The following KAZN variants were observed in gnomAD, a reference collection of about 807,000 sequenced individuals.
KAZN encodes kazrin.
KAZN carries 40 observed loss-of-function variants against 87.4 expected under a neutral mutation model. The ratio of observed to expected loss-of-function variants is 0.46; its 90% confidence interval spans 0.36 to 0.60. KAZN has a LOEUF of 0.60. KAZN is among the 20% of genes least tolerant of loss of function. KAZN has a pLI of 0.00. For missense variants in KAZN, 898 were observed against 1,073.9 expected, an observed-to-expected ratio of 0.84 and a Z score of 2.29; for synonymous variants, 466 against 458.3, an observed-to-expected ratio of 1.02 and a Z score of -0.22.
intron 2 of KAZN, among the ~76,000 whole-genome samples, chr1:14,574,565 C>T (rs542576015): frequency 1.2e-4 from 19 of 152,310 alleles, no homozygotes; most frequent in African/African-American, 4.6e-4. Context: ...CTTTCATCTT[C>T]TGCCGTGATT....
intron 2 of KAZN, among the ~76,000 whole-genome samples, chr1:14,523,007 A>G (rs1048832792): frequency 6.6e-6 from 1 of 152,084 alleles, no homozygotes; most frequent in African/African-American, 2.4e-5. Context: ...CCAACTCCCC[A>G]GCATGTACGA....
At chr1:13,895,158 A>G (rs2744646) in intron 1 of KAZN, among the ~76,000 whole-genome samples, 132,807 of 152,226 alleles carry the variant, frequency 0.87, 58,319 homozygotes, top group African/African-American at 0.97. Flanking sequence ...GGTAGTAGAC[A>G]ATGGAAGCAT....
At chr1:14,055,979 C>T (rs556679127) in intron 1 of KAZN, among the ~76,000 whole-genome samples, 1 of 152,260 alleles carries the variant, frequency 6.6e-6, no homozygotes, top group South Asian at 2.1e-4. Flanking sequence ...GCTAGCCTAC[C>T]CTCTACCCCC....
chr1:15,103,385 C>T lies in KAZN; in HGVS notation c.1806C>T (p.Cys602=), dbSNP rs887754272. The T allele has an allele frequency of 2.3e-5, 36 of 1,551,792 alleles. No homozygotes were observed. Among genetic ancestry groups the T allele is most frequent in the Non-Finnish European group, 2.8e-5 (32 of 1,147,146 alleles). ...CCCTCCAGGAGCGCCGGGCCCGCTG[C>T]GAGACGCAGAACATTGACCCCGTGG... ...REALQERRAR[C]ETQNIDPVVW... is the part of the protein sequence containing the mutation. The change falls in exon 12 of 15, where the codon TGC becomes TGT. Residue 602 remains cysteine, a synonymous_variant. Transcript: ENST00000376030.
chr1:14,330,604 G>T (rs929178475), intron 2 of KAZN, among the ~76,000 whole-genome samples: 1 of 152,124 alleles, frequency 6.6e-6, no homozygotes, highest in Non-Finnish European at 1.5e-5. Context: ...ATCAGGGACT[G>T]TGTCTCTCTG....
intron 2 of KAZN, among the ~76,000 whole-genome samples, chr1:14,224,999 A>G (rs1267333211): frequency 1.3e-5 from 2 of 152,220 alleles, no homozygotes; most frequent in Non-Finnish European, 2.9e-5. Flanking sequence ...AAAGACAAGG[A>G]TGCTCACTCT....
At chr1:14,784,148 G>T (rs1645435831) in intron 1 of KAZN, among the ~76,000 whole-genome samples, 1 of 152,082 alleles carries the variant, frequency 6.6e-6, no homozygotes, top group Admixed American at 6.5e-5. Flanking sequence ...CTGCTGCCTC[G>T]GGTGGAGTTT....
At chr1:15,106,276 A>G (rs193131211) in intron 13 of KAZN, among the ~76,000 whole-genome samples, 1 of 152,144 alleles carries the variant, frequency 6.6e-6, no homozygotes, top group Non-Finnish European at 1.5e-5. Flanking sequence ...GCAAGGGTCC[A>G]TCTCTACAAA....
intron 1 of KAZN, among the ~76,000 whole-genome samples, chr1:14,808,515 C>G (rs1384847546): frequency 1.3e-5 from 2 of 150,854 alleles, no homozygotes; most frequent in Non-Finnish European, 2.9e-5. Flanking sequence ...CTGGGCTGGT[C>G]TCAAACTCCT....
intron 1 of KAZN, among the ~76,000 whole-genome samples, chr1:14,022,485 C>CAAAAAAAAAAAAAAAAAAAAA (rs58713618): frequency 1.8e-5 from 2 of 110,480 alleles, no homozygotes; most frequent in African/African-American, 6.6e-5. Context: ...GTATTTAAAG[C>CAAAAAAAAAAAAAAAAAAAAA]AAAAAAAAAA....
chr1:14,924,035 TG>T, intron 1 of KAZN: 1 of 776,820 alleles, frequency 1.3e-6, no homozygotes, highest in Non-Finnish European at 1.5e-6. Context: ...GGGGCCAGTC[TG>T]GGCGCCGCGG....
chr1:14,232,302 G>C (rs1557580103), intron 2 of KAZN, among the ~76,000 whole-genome samples: 1 of 152,200 alleles, frequency 6.6e-6, no homozygotes, highest in Non-Finnish European at 1.5e-5. Flanking sequence ...AGCGCAGGCA[G>C]TGGGGGATAT....
intron 2 of KAZN, among the ~76,000 whole-genome samples, chr1:14,376,288 T>C (rs1660914519): frequency 6.6e-6 from 1 of 152,182 alleles, no homozygotes; most frequent in African/African-American, 2.4e-5. Context: ...AAAGTTTATG[T>C]GTTGGAAGCT....
At chr1:14,225,280 A>G (rs1002027840) in intron 2 of KAZN, among the ~76,000 whole-genome samples, 1 of 152,144 alleles carries the variant, frequency 6.6e-6, no homozygotes, top group Non-Finnish European at 1.5e-5. Flanking sequence ...TCAAATCAGG[A>G]CCATAATCCC....
intron 1 of KAZN, among the ~76,000 whole-genome samples, chr1:13,968,434 G>C (rs552315164): frequency 3.9e-5 from 6 of 152,256 alleles, no homozygotes; most frequent in Non-Finnish European, 8.8e-5. Context: ...GGCAGCTACT[G>C]TACCCACCTT....
intron 13 of KAZN, among the ~76,000 whole-genome samples, chr1:15,108,167 G>A (rs745703934): frequency 2.8e-4 from 42 of 152,144 alleles, no homozygotes; most frequent in Non-Finnish European, 3.7e-4. Flanking sequence ...CCACCTCCTC[G>A]GCTGACAGGC....
intron 1 of KAZN, among the ~76,000 whole-genome samples, chr1:14,833,969 TCACACACACACA>T (rs56000715): frequency 1.1e-4 from 15 of 141,866 alleles, no homozygotes; most frequent in African/African-American, 1.8e-4. Context: ...CCCAAGTCAT[TCACACACACACA>T]CACACACACA....
At chr1:14,007,312 A>G (rs542418887) in intron 1 of KAZN, among the ~76,000 whole-genome samples, 3 of 152,128 alleles carry the variant, frequency 2.0e-5, no homozygotes, top group African/African-American at 7.2e-5. Flanking sequence ...TTCCTTTTTG[A>G]TTTGGATGCC....
intron 1 of KAZN, among the ~76,000 whole-genome samples, chr1:14,721,339 C>A (rs1643093692): frequency 6.6e-6 from 1 of 152,210 alleles, no homozygotes; most frequent in African/African-American, 2.4e-5. Flanking sequence ...CTTGCTGCTG[C>A]CATGTGAAGA....
Sources: gnomAD v4.1 joint callset for allele counts (sites outside exome capture counted in the v4.1 genomes callset) on GRCh38, gnomAD v4.1.1 for gene constraint, MANE v1.5 for transcripts, NCBI Gene and HGNC (gene_info 2026-07-23, HGNC 2026-07-21) for gene names.